The following SDR42E1 variants were observed in gnomAD, a reference collection of about 807,000 sequenced individuals.
The protein encoded by SDR42E1 is short chain dehydrogenase/reductase family 42E, member 1.
Under a neutral mutation model 2.6 loss-of-function variants are expected in SDR42E1, and 5 were observed. That is an observed-to-expected ratio of 1.94 (90% confidence interval 1.01 to 4.08). SDR42E1 has a LOEUF of 4.08. SDR42E1 is among the 30% of genes most tolerant of loss of function. SDR42E1 has a pLI of 0.00. For missense variants in SDR42E1, 596 were observed against 478.6 expected (o/e 1.25, Z -2.29); for synonymous variants, 231 against 188.3 (o/e 1.23, Z -1.86).
Position 81,990,918 on chromosome 16 carries a change from G to A in SDR42E1, c.*8193C>T, listed in dbSNP as rs8056441. On this transcript the variant is annotated 3_prime_UTR_variant, in exon 3 of 3. Transcript: ENST00000328945. Reference sequence around the variant, plus strand: ...TTAAACATCTAAGGGCACCTCTACAGGCTGGACTTTGCATTTTCATTACTT... The same window carrying A: ...TTAAACATCTAAGGGCACCTCTACAAGCTGGACTTTGCATTTTCATTACTT... 1 of 152,184 alleles carries A rather than the reference G, an allele frequency of 6.6e-6. No individual in the cohort carries two copies. Among genetic ancestry groups the A allele is most frequent in the African/African-American group, 2.4e-5 (1 of 41,432 alleles). The allele number at this position is 152,184 out of a possible 1,614,324, so 9.4% of individuals were successfully genotyped here. A position where few individuals can be genotyped will look rare whatever the true frequency, so the allele number is the denominator to read the frequency against.
intron 1 of SDR42E1, chr16:82,007,645 G>C (rs1021616301): frequency 6.6e-6 from 1 of 152,220 alleles, no homozygotes; most frequent in Non-Finnish European, 1.5e-5. Context: ...ACTGACCTGA[G>C]TCCTGTGAGG....
intron 1 of SDR42E1, among the ~76,000 whole-genome samples, chr16:82,009,706 T>C (rs535275155): frequency 6.6e-6 from 1 of 152,226 alleles, no homozygotes; most frequent in East Asian, 1.9e-4. Context: ...CTTTGGAGTG[T>C]GGACTTTTGA....
At chr16:82,003,165 T>C (rs990698527) in intron 1 of SDR42E1, among the ~76,000 whole-genome samples, 7 of 152,124 alleles carry the variant, frequency 4.6e-5, no homozygotes, top group African/African-American at 1.7e-4. Context: ...CTGAGCAAAA[T>C]GGGGCAGAGG....
rs1484833127 is a variant in SDR42E1, at chr16:81,994,078, C to G, written c.*5033G>C. The stretch of plus-strand genomic sequence containing the variant: ...GGACTGTGGACATGGCACACCAGGA[C>G]ATGCTGCGATTCCTGGAGAAAAATC... On this transcript the variant is annotated 3_prime_UTR_variant, in exon 3 of 3. Transcript: ENST00000328945. 1 of 152,198 alleles carries G rather than the reference C, an allele frequency of 6.6e-6. No homozygotes were observed. Among genetic ancestry groups the G allele is most frequent in the East Asian group, 1.9e-4 (1 of 5,194 alleles). 9.4% of individuals were successfully genotyped at this position (152,198 alleles called of 1,614,324 possible).
intron 1 of SDR42E1, among the ~76,000 whole-genome samples, chr16:82,006,255 G>A (rs890617660): frequency 5.3e-5 from 8 of 152,150 alleles, no homozygotes; most frequent in African/African-American, 1.9e-4. Context: ...CCATGATTAC[G>A]TGTTTTAAAT....
Position 81,996,177 on chromosome 16 carries a change from A to T in SDR42E1, c.*2934T>A, listed in dbSNP as rs1237744215. 4 of 152,250 alleles carry T rather than the reference A, an allele frequency of 2.6e-5. No homozygotes were observed. Among genetic ancestry groups the T allele is most frequent in the Admixed American group, 2.0e-4 (3 of 15,280 alleles). The allele number at this position is 152,250 out of a possible 1,614,324, so 9.4% of individuals were successfully genotyped here. A position where few individuals can be genotyped will look rare whatever the true frequency, so the allele number is the denominator to read the frequency against. On this transcript the variant is annotated 3_prime_UTR_variant, in exon 3 of 3. Coordinates refer to ENST00000328945, the MANE Select transcript of SDR42E1 (RefSeq NM_145168.3). ...TCAACCTAAGGAAAGTTTTCAGCAG[A>T]GAAGTGACAAAAGATTTGCACCTTT...
rs1476730064 is a variant in SDR42E1 at position 81,992,703 on chromosome 16, CCT to C, written c.*6406_*6407del. ...ATTGCGAATTACTGCTGATAAATCC[CCT>C]GTTGGTTGAAAGACACTTGCCTGGA... On this transcript the variant is annotated 3_prime_UTR_variant, in exon 3 of 3. Transcript: ENST00000328945. 6.6e-6 allele frequency: 1 copy of C among 151,982 alleles called. No individual in the cohort carries two copies. The highest frequency in any genetic ancestry group is 1.5e-5 in the Non-Finnish European group (1 of 68,010). 9.4% of individuals were successfully genotyped at this position (151,982 alleles called of 1,614,324 possible).
chr16:81,996,321 T>A lies in SDR42E1; in HGVS notation c.*2790A>T, dbSNP rs1388647913. 2.0e-5 allele frequency: 3 copies of A among 152,180 alleles called. No individual in the cohort carries two copies. Among genetic ancestry groups the A allele is most frequent in the Admixed American group, 1.3e-4 (2 of 15,284 alleles). The allele number at this position is 152,180 out of a possible 1,614,324, so 9.4% of individuals were successfully genotyped here. Reference sequence around the variant, plus strand: ...TGGGAGAGAAGGTACACCTATACCTTGGGCAGTTTTAAGGCATGATTACAA... The same window carrying A: ...TGGGAGAGAAGGTACACCTATACCTAGGGCAGTTTTAAGGCATGATTACAA... On this transcript the variant is annotated 3_prime_UTR_variant, in exon 3 of 3. Transcript: ENST00000328945.
rs569898302 is a variant in SDR42E1, at chr16:81,995,865, A to G, written c.*3246T>C. On this transcript the variant is annotated 3_prime_UTR_variant, in exon 3 of 3. Transcript: ENST00000328945. ...TTTACAGTTATGAGCAATGCTATAA[A>G]AGAAAGGCAGGAAGCTATGACAGGC... The G allele has an allele frequency of 1.1e-4, 16 of 152,374 alleles. No individual in the cohort carries two copies. Among genetic ancestry groups the G allele is most frequent in the Non-Finnish European group, 1.6e-4 (11 of 68,032 alleles). The allele number at this position is 152,374 out of a possible 1,614,324, so 9.4% of individuals were successfully genotyped here.
chr16:82,000,961 C>G, intron 1 of SDR42E1, 77 bp from the exon 2 acceptor site: 1 of 953,298 alleles, frequency 1.0e-6, no homozygotes, highest in Non-Finnish European at 1.6e-6. Context: ...CTAACAAAAA[C>G]AAAAAGTCAA....
rs200329125 is a variant in SDR42E1 at position 82,000,103 on chromosome 16, C to G, written c.190G>C (p.Val64Leu). 6.2e-7 allele frequency: 1 copy of G among 1,614,214 alleles called. No homozygotes were observed. The highest frequency in any genetic ancestry group is 1.7e-5 in the Admixed American group (1 of 60,028). Residue 64 changes from valine (V) to leucine (L), a missense_variant, in exon 3 of 3, where the codon GTA (valine) becomes CTA (leucine). By Grantham distance (32) the Val-to-Leu change is conservative. Coordinates refer to ENST00000328945, the MANE Select transcript of SDR42E1 (RefSeq NM_145168.3). Reference sequence around the variant, plus strand: ...TCTGCATCCTGGAAGGCTTTCTCTACGTCAGACAGGTGGCGGATGTCTCCT... The same window carrying G: ...TCTGCATCCTGGAAGGCTTTCTCTAGGTCAGACAGGTGGCGGATGTCTCCT... ...IQGDIRHLSD[V>L]EKAFQDADVT...
At chr16:82,004,830 G>A (rs1912883853) in intron 1 of SDR42E1, among the ~76,000 whole-genome samples, 2 of 152,220 alleles carry the variant, frequency 1.3e-5, no homozygotes, top group Admixed American at 6.5e-5. Flanking sequence ...TTACCAGTGA[G>A]GACAAAAGGC....
chr16:82,002,614 T>C (rs1473355157), intron 1 of SDR42E1, among the ~76,000 whole-genome samples: 2 of 152,114 alleles, frequency 1.3e-5, no homozygotes, highest in Non-Finnish European at 2.9e-5. Flanking sequence ...CTTACCTGGA[T>C]TCACACCCGA....
Position 81,990,764 on chromosome 16 carries a change from G to A in SDR42E1, c.*8347C>T, listed in dbSNP as rs1196804578. The A allele has an allele frequency of 1.3e-5, 2 of 152,196 alleles. No individual in the cohort carries two copies. Among genetic ancestry groups the A allele is most frequent in the Non-Finnish European group, 2.9e-5 (2 of 68,056 alleles). 9.4% of individuals were successfully genotyped at this position (152,196 alleles called of 1,614,324 possible). A position where few individuals can be genotyped will look rare whatever the true frequency, so the allele number is the denominator to read the frequency against. ...CAAATGCATGAGTCCCTTGAGCACT[G>A]AAGGGCTATAATCACCCACTACCAA... On this transcript the variant is annotated 3_prime_UTR_variant, in exon 3 of 3. Transcript: ENST00000328945.
intron 1 of SDR42E1, among the ~76,000 whole-genome samples, chr16:82,001,819 G>A (rs925736669): frequency 9.3e-5 from 14 of 150,844 alleles, no homozygotes; most frequent in Admixed American, 4.6e-4. Context: ...GGAGAATGGC[G>A]TGAACCCAGG....
rs1441726288 is a variant in SDR42E1 at position 81,993,830 on chromosome 16, T to G, written c.*5281A>C. The G allele has an allele frequency of 1.3e-5, 2 of 152,174 alleles. No homozygotes were observed. Among genetic ancestry groups the G allele is most frequent in the African/African-American group, 2.4e-5 (1 of 41,442 alleles). The allele number at this position is 152,174 out of a possible 1,614,324, so 9.4% of individuals were successfully genotyped here. ...AAACAAGAGTTTGAACTACTCTGCTTAAAGGTATGTTGGTGCCAAATATAC... is the reference window on the plus strand; with the variant it reads ...AAACAAGAGTTTGAACTACTCTGCTGAAAGGTATGTTGGTGCCAAATATAC... On this transcript the variant is annotated 3_prime_UTR_variant, in exon 3 of 3. Transcript: ENST00000328945.
At position 81,990,129 on chromosome 16, in the gene SDR42E1, C is replaced by A. The variant is rs906720616; in HGVS notation, c.*8982G>T. The A allele has an allele frequency of 6.6e-6, 1 of 152,210 alleles. No individual in the cohort carries two copies. The highest frequency in any genetic ancestry group is 2.4e-5 in the African/African-American group (1 of 41,418). 9.4% of individuals were successfully genotyped at this position (152,210 alleles called of 1,614,324 possible). On this transcript the variant is annotated 3_prime_UTR_variant, in exon 3 of 3. Coordinates refer to ENST00000328945, the MANE Select transcript of SDR42E1 (RefSeq NM_145168.3). ...GAGTTTGAGACCAGCCTGGGCAAAA[C>A]GGTGAGACCCTGTCTCTACAAAAGA...
In SDR42E1 at chr16:81,991,376, T is replaced by C. The variant is rs2143826126; in HGVS notation, c.*7735A>G. On this transcript the variant is annotated 3_prime_UTR_variant, in exon 3 of 3. Transcript: ENST00000328945. Reference sequence around the variant, plus strand: ...TTGCAAATGAAGTTCGAGTAACACTTAGCCTTGAATAATGTCATGCTAACG... The same window carrying C: ...TTGCAAATGAAGTTCGAGTAACACTCAGCCTTGAATAATGTCATGCTAACG... 6.6e-6 allele frequency: 1 copy of C among 152,264 alleles called. No homozygotes were observed. The highest frequency in any genetic ancestry group is 2.1e-4 in the South Asian group (1 of 4,820). 9.4% of individuals were successfully genotyped at this position (152,264 alleles called of 1,614,324 possible). A position where few individuals can be genotyped will look rare whatever the true frequency, so the allele number is the denominator to read the frequency against.
In SDR42E1 at chr16:81,991,707, C is replaced by CAAAAAAAAA. The variant is rs61406883; in HGVS notation, c.*7395_*7403dup. On this transcript the variant is annotated 3_prime_UTR_variant, in exon 3 of 3. Coordinates refer to ENST00000328945, the MANE Select transcript of SDR42E1 (RefSeq NM_145168.3). ...GCCTGGGTGACAGACGAGACTCTAT[C>CAAAAAAAAA]AAAAAAAAAAAAAAAAAAATTTGGT... The CAAAAAAAAA allele has an allele frequency of 9.1e-6, 1 of 109,894 alleles. No homozygotes were observed. The highest frequency in any genetic ancestry group is 2.0e-5 in the Non-Finnish European group (1 of 50,338). The allele number at this position is 109,894 out of a possible 1,614,324, so 6.8% of individuals were successfully genotyped here.
Sources: allele counts gnomAD v4.1 joint callset (sites outside exome capture counted in the v4.1 genomes callset), GRCh38; gene constraint gnomAD v4.1.1; transcripts MANE v1.5; gene names NCBI Gene and HGNC (gene_info 2026-07-23, HGNC 2026-07-21).